The following IFI44L variants were observed in gnomAD, a reference collection of about 807,000 sequenced individuals.
IFI44L encodes the protein interferon induced protein 44 like.
Under a neutral mutation model 39.3 loss-of-function variants are expected in IFI44L, and 40 were observed. The ratio of observed to expected loss-of-function variants is 1.02; its 90% CI spans 0.79 to 1.33. IFI44L has a LOEUF of 1.33. IFI44L is among the 40% of genes most tolerant of loss of function. The pLI is 0.00. For missense variants in IFI44L, 623 were observed against 549.0 expected (o/e 1.13, Z -1.35); for synonymous variants, 198 against 182.3 (o/e 1.09, Z -0.69).
At chr1:78,632,627 T>C (rs1652792295) in intron 4 of IFI44L, among the ~76,000 whole-genome samples, 1 of 152,190 alleles carries the variant, frequency 6.6e-6, no homozygotes, top group Non-Finnish European at 1.5e-5. Flanking sequence ...TGAGCTTTGC[T>C]ATATTACATT....
chr1:78,622,256 T>C (rs896726419), intron 1 of IFI44L, among the ~76,000 whole-genome samples: 5 of 152,144 alleles, frequency 3.3e-5, no homozygotes, highest in African/African-American at 9.7e-5. Context: ...GCAAATGACA[T>C]GATTTTACTG....
In IFI44L at chr1:78,628,034, T is replaced by C. The variant is rs373853992; in HGVS notation, c.119T>C (p.Met40Thr). 184 of 1,613,128 alleles carry C rather than the reference T, an allele frequency of 1.1e-4. No homozygotes were observed. The highest frequency in any genetic ancestry group is 1.5e-4 in the Non-Finnish European group (176 of 1,179,456). ...GTTCATGGAGGTAGCATTGAAGATATGGTTGAAAGATGCAGCCGTCAGGGA... is the reference window on the plus strand; with the variant it reads ...GTTCATGGAGGTAGCATTGAAGATACGGTTGAAAGATGCAGCCGTCAGGGA... ...SSVHGGSIED[M>T]VERCSRQGCT... The change falls in exon 2 of 9, where the codon ATG (methionine) becomes ACG (threonine). Residue 40 changes from methionine (M) to threonine (T), a missense_variant. Physicochemically the swap from Met to Thr is moderately conservative, Grantham distance 81 (BLOSUM62 -1). Coordinates refer to ENST00000370751, the MANE Select transcript of IFI44L (RefSeq NM_006820.4).
rs999918675 is a variant in IFI44L, at chr1:78,645,609, C to A, written c.*3800C>A. On this transcript the variant is annotated 3_prime_UTR_variant, in exon 9 of 9. Coordinates refer to ENST00000370751, the MANE Select transcript of IFI44L (RefSeq NM_006820.4). ...TAACTCAATCTAATGCTAAGGTACC[C>A]ACAAGATGGCAAGGCTGATCAAAGT... The A allele has an allele frequency of 1.3e-5, 2 of 152,146 alleles. No individual in the cohort carries two copies. The highest frequency in any genetic ancestry group is 2.9e-5 in the Non-Finnish European group (2 of 68,042). 9.4% of individuals were successfully genotyped at this position (152,146 alleles called of 1,614,324 possible). A position where few individuals can be genotyped will look rare whatever the true frequency, so the allele number is the denominator to read the frequency against.
At chr1:78,624,557 C>T (rs1652413376) in intron 1 of IFI44L, among the ~76,000 whole-genome samples, 1 of 152,138 alleles carries the variant, frequency 6.6e-6, no homozygotes, top group Non-Finnish European at 1.5e-5. Flanking sequence ...TTTGTTGTTG[C>T]TGGGTGGAAT....
At chr1:78,633,167 A>C (rs899231049) in intron 4 of IFI44L, among the ~76,000 whole-genome samples, 4 of 152,218 alleles carry the variant, frequency 2.6e-5, no homozygotes, top group Non-Finnish European at 5.9e-5. Flanking sequence ...CCTCAACCCC[A>C]GGGAGCATAG....
chr1:78,623,389 G>GTTTTTTTTTTT (rs1222507453), intron 1 of IFI44L, among the ~76,000 whole-genome samples: 1 of 19,926 alleles, frequency 5.0e-5, no homozygotes, highest in African/African-American at 1.3e-4. Context: ...TGGTTTAAGT[G>GTTTTTTTTTTT]TTTTTTGTTT....
chr1:78,631,513 G>A (rs993702829), intron 4 of IFI44L: 1 of 152,090 alleles, frequency 6.6e-6, no homozygotes, highest in African/African-American at 2.4e-5. Flanking sequence ...CACCACAGAT[G>A]GAAAAATTGT....
intron 4 of IFI44L, among the ~76,000 whole-genome samples, chr1:78,634,134 A>G (rs1570361386): frequency 6.6e-6 from 1 of 152,262 alleles, no homozygotes; most frequent in East Asian, 1.9e-4. Context: ...ACAAGAAATT[A>G]AAAGTAATAG....
At chr1:78,639,207 T>A (rs1257290618) in intron 6 of IFI44L, among the ~76,000 whole-genome samples, 1 of 152,050 alleles carries the variant, frequency 6.6e-6, no homozygotes, top group Non-Finnish European at 1.5e-5. Flanking sequence ...GATCCCCAAG[T>A]AGCCTCCCTT....
At position 78,628,267 on chromosome 1, in the gene IFI44L, AAAACGGATATTTT is replaced by A. The variant is rs773219574; in HGVS notation, c.353_365del (p.Lys118ThrfsTer11). The A allele has an allele frequency of 1.2e-6, 2 of 1,610,658 alleles. No homozygotes were observed. The highest frequency in any genetic ancestry group is 2.2e-5 in the South Asian group (2 of 90,650). ...TGAGCAACTGGTGTGTCGTTTATCGAAAACGGATATTTTCATTATATGTCGAGATAATAAAATT... is the reference window on the plus strand; with the variant it reads ...TGAGCAACTGGTGTGTCGTTTATCGACATTATATGTCGAGATAATAAAATT... On this transcript the variant is annotated frameshift_variant, in exon 2 of 9. Coordinates refer to ENST00000370751, the MANE Select transcript of IFI44L (RefSeq NM_006820.4). LOFTEE classifies it high-confidence loss of function.
chr1:78,643,649 GTTGTTTTTTTTTTTTT>G lies in IFI44L; in HGVS notation c.*1851_*1866del, dbSNP rs1286577576. 7 of 90,574 alleles carry G rather than the reference GTTGTTTTTTTTTTTTT, an allele frequency of 7.7e-5. No individual in the cohort carries two copies. In the East Asian group the frequency reaches 2.2e-3, roughly 29 times the overall value. The allele number at this position is 90,574 out of a possible 1,614,324, so 5.6% of individuals were successfully genotyped here. A position where few individuals can be genotyped will look rare whatever the true frequency, so the allele number is the denominator to read the frequency against. On this transcript the variant is annotated 3_prime_UTR_variant, in exon 9 of 9. Coordinates refer to ENST00000370751, the MANE Select transcript of IFI44L (RefSeq NM_006820.4). Reference sequence around the variant, plus strand: ...TTGTTTGTTTTGTTTTTTTTTTGTTGTTGTTTTTTTTTTTTTTTGTTTTTTTGCTGAGTCAATTCCT... The same window carrying G: ...TTGTTTGTTTTGTTTTTTTTTTGTTGTTGTTTTTTTGCTGAGTCAATTCCT...
Position 78,642,091 on chromosome 1 carries a change from T to C in IFI44L, c.*282T>C, listed in dbSNP as rs115903664. On this transcript the variant is annotated 3_prime_UTR_variant, in exon 9 of 9. Coordinates refer to ENST00000370751, the MANE Select transcript of IFI44L (RefSeq NM_006820.4). ...GAAAAATGAGATATTCTCTAATTTA[T>C]TCTTCTATAACACTCTATATAGAGC... is the stretch of plus-strand genomic sequence containing the variant. The C allele has an allele frequency of 7.0e-3, 3,742 of 537,764 alleles. 115 individuals carry two copies. The highest frequency in any genetic ancestry group is 0.062 in the African/African-American group (3,271 of 52,578). 33.3% of individuals were successfully genotyped at this position (537,764 alleles called of 1,614,324 possible).
Position 78,641,883 on chromosome 1 carries a change from C to T in IFI44L, c.*74C>T. 6.7e-7 allele frequency: 1 copy of T among 1,492,460 alleles called. No individual in the cohort carries two copies. Among genetic ancestry groups the T allele is most frequent in the Non-Finnish European group, 9.3e-7 (1 of 1,069,562 alleles). The allele number at this position is 1,492,460 out of a possible 1,614,324, so 92.5% of individuals were successfully genotyped here. ...CGCAATGAGAGTCAATCTCTATTGACAGCCTGCTTCAGATTTTGCTTTTGT... is the reference window on the plus strand; with the variant it reads ...CGCAATGAGAGTCAATCTCTATTGATAGCCTGCTTCAGATTTTGCTTTTGT... On this transcript the variant is annotated 3_prime_UTR_variant, in exon 9 of 9. Coordinates refer to ENST00000370751, the MANE Select transcript of IFI44L (RefSeq NM_006820.4).
rs1480721745 is a variant in IFI44L, at chr1:78,644,556, C to G, written c.*2747C>G. 2.0e-5 allele frequency: 3 copies of G among 152,108 alleles called. No homozygotes were observed. The highest frequency in any genetic ancestry group is 2.9e-5 in the Non-Finnish European group (2 of 68,006). 9.4% of individuals were successfully genotyped at this position (152,108 alleles called of 1,614,324 possible). A position where few individuals can be genotyped will look rare whatever the true frequency, so the allele number is the denominator to read the frequency against. Reference sequence around the variant, plus strand: ...TCAAAAAGGGGGAAACATCTTTTGTCTGGGAGGATATTTTCCATTTTGTGG... The same window carrying G: ...TCAAAAAGGGGGAAACATCTTTTGTGTGGGAGGATATTTTCCATTTTGTGG... On this transcript the variant is annotated 3_prime_UTR_variant, in exon 9 of 9. Transcript: ENST00000370751.
At position 78,639,485 on chromosome 1, in the gene IFI44L, G is replaced by A. The variant is rs188910976; in HGVS notation, c.1049-1536G>A. On this transcript the variant is annotated intron_variant, in intron 6 of 8. Transcript: ENST00000370751. Reference sequence around the variant, plus strand: ...AACAGCAAAAAAAATTTTCCTTTTTGCTGGCTCTAATTTGTATTTTCCAGT... The same window carrying A: ...AACAGCAAAAAAAATTTTCCTTTTTACTGGCTCTAATTTGTATTTTCCAGT... 9.1e-4 allele frequency among the ~76,000 whole-genome samples: 139 copies of A among 151,966 alleles called. 2 individuals are homozygous for A. The highest frequency in any genetic ancestry group is 3.1e-3 in the African/African-American group (127 of 41,478).
intron 4 of IFI44L, among the ~76,000 whole-genome samples, chr1:78,632,797 T>C (rs1375756425): frequency 2.6e-5 from 4 of 152,336 alleles, no homozygotes; most frequent in East Asian, 3.9e-4. Context: ...AGTTATATTC[T>C]TTAATCCAGA....
At chr1:78,622,489 G>A (rs1330496820) in intron 1 of IFI44L, among the ~76,000 whole-genome samples, 1 of 151,916 alleles carries the variant, frequency 6.6e-6, no homozygotes, top group African/African-American at 2.4e-5. Flanking sequence ...CTTTTACAAT[G>A]TGGTGTACAG....
intron 3 of IFI44L, 104 bp from the exon 4 acceptor site, chr1:78,629,616 C>A (rs1162963406): frequency 9.2e-6 from 6 of 651,966 alleles, no homozygotes; most frequent in Non-Finnish European, 1.2e-5. Flanking sequence ...TGAAAAAATA[C>A]CCTTCTCAGG....
At chr1:78,630,123 A>G in intron 4 of IFI44L, 5 of 521,912 alleles carry the variant, frequency 9.6e-6, no homozygotes, top group Non-Finnish European at 1.7e-5. Flanking sequence ...AAGCAGTTAT[A>G]TAAAGAATAC....
Sources: gnomAD v4.1 joint callset for allele counts (sites outside exome capture counted in the v4.1 genomes callset) on GRCh38, gnomAD v4.1.1 for gene constraint, MANE v1.5 for transcripts, NCBI Gene and HGNC (gene_info 2026-07-23, HGNC 2026-07-21) for gene names.